The following PISD variants were observed in gnomAD, a reference collection of about 807,000 sequenced individuals.
PISD encodes the protein phosphatidylserine decarboxylase.
In PISD, 31 loss-of-function variants were observed where a neutral mutation model predicts 43.5. The ratio of observed to expected loss-of-function variants is 0.71; its 90% CI spans 0.54 to 0.96. The LOEUF (loss-of-function observed/expected upper bound fraction) is 0.96. PISD is among the 40% of genes least tolerant of loss of function. The probability of loss-of-function intolerance (pLI) is 0.00; values close to 1 mark genes in which losing one functional copy is unlikely to be tolerated. For missense variants in PISD, 523 were observed against 548.4 expected (o/e 0.95, Z 0.46); for synonymous variants, 259 against 228.7 (o/e 1.13, Z -1.20).
intron 3 of PISD, chr22:31,629,125 C>G (rs749701278): frequency 1.1e-5 from 11 of 985,478 alleles, no homozygotes; most frequent in Admixed American, 6.1e-5. Flanking sequence ...AAGACCACAA[C>G]ACCTGCCCCC....
Position 31,621,006 on chromosome 22 carries a change from G to A in PISD, c.834C>T (p.Arg278=). 6.2e-7 allele frequency: 1 copy of A among 1,612,756 alleles called. No homozygotes were observed. The highest frequency in any genetic ancestry group is 8.5e-7 in the Non-Finnish European group (1 of 1,179,454). ...TGGCCCCGGGCTGACCTGGGAAGTGGCGCCGGTGGGACACAGTCCAGTCGG... is the reference window on the plus strand; with the variant it reads ...TGGCCCCGGGCTGACCTGGGAAGTGACGCCGGTGGGACACAGTCCAGTCGG... ...SPTDWTVSHR[R]HFPGSLMSVN... is the part of the protein sequence containing the mutation. The change falls in exon 6 of 8, where the codon CGC becomes CGT. Residue 278 remains arginine, a synonymous_variant. Coordinates refer to ENST00000439502, the MANE Select transcript of PISD (RefSeq NM_001326411.2).
At chr22:31,628,885 G>T in intron 3 of PISD, 1 of 985,392 alleles carries the variant, frequency 1.0e-6, no homozygotes, top group Non-Finnish European at 1.2e-6. Flanking sequence ...TCACACTCCG[G>T]TGGGGGCAGG....
chr22:31,621,614 C>A, intron 4 of PISD, 35 bp downstream of exon 4: 1 of 1,600,110 alleles, frequency 6.2e-7, no homozygotes, highest in African/African-American at 1.3e-5. Flanking sequence ...AGGAAAAAGT[C>A]CTGTTTCCTG....
At chr22:31,659,435 T>C (rs2147824205) in intron 1 of PISD, among the ~76,000 whole-genome samples, 1 of 152,226 alleles carries the variant, frequency 6.6e-6, no homozygotes, top group African/African-American at 2.4e-5. Context: ...AGGGATGCCA[T>C]AAATATTTCT....
At chr22:31,660,430 A>C (rs566012787) in intron 1 of PISD, among the ~76,000 whole-genome samples, 1 of 152,274 alleles carries the variant, frequency 6.6e-6, no homozygotes, top group East Asian at 1.9e-4. Flanking sequence ...AAGTGGGTGG[A>C]TCACTTGAGC....
chr22:31,637,204 T>TATATATATATATACACAC (rs1267117734), intron 3 of PISD, among the ~76,000 whole-genome samples: 2 of 95,836 alleles, frequency 2.1e-5, no homozygotes, highest in African/African-American at 8.7e-5. Context: ...TATATATATA[T>TATATATATATATACACAC]ATAGAAAAAT....
rs940630347 is a variant in PISD at position 31,633,818 on chromosome 22, A to G, written c.322-11933T>C. On this transcript the variant is annotated intron_variant, in intron 3 of 7. Transcript: ENST00000439502. ...CCTTCCAACCAGACCTCCACCACAC[A>G]TATTTTCAGTGGGGAAATGCCTCTG... is the stretch of plus-strand genomic sequence containing the variant. Among the ~76,000 whole-genome samples, 8 of 152,340 alleles carry G rather than the reference A, an allele frequency of 5.3e-5. No homozygotes were observed. In the East Asian group the frequency reaches 5.8e-4, roughly 11 times the overall value.
chr22:31,639,967 T>C (rs1028821905), intron 3 of PISD, among the ~76,000 whole-genome samples: 1 of 152,172 alleles, frequency 6.6e-6, no homozygotes, highest in Non-Finnish European at 1.5e-5. Context: ...CAGCAGTCCC[T>C]GAGCTCCTGC....
At chr22:31,654,883 C>A (rs554721354) in intron 1 of PISD, among the ~76,000 whole-genome samples, 2 of 152,112 alleles carry the variant, frequency 1.3e-5, no homozygotes, top group African/African-American at 4.8e-5. Flanking sequence ...TGAGACCAGC[C>A]TGGGCAACAC....
intron 3 of PISD, chr22:31,625,946 G>C (rs2072886441): frequency 1.3e-6 from 2 of 1,492,426 alleles, no homozygotes; most frequent in African/African-American, 1.4e-5. Flanking sequence ...CTGCGAGGCT[G>C]GTTGGTGGCG....
intron 3 of PISD, among the ~76,000 whole-genome samples, chr22:31,645,344 G>C (rs1320203926): frequency 1.3e-5 from 2 of 151,664 alleles, no homozygotes; most frequent in Non-Finnish European, 1.5e-5. Flanking sequence ...GGTCAGGGAT[G>C]CAGTGAGCCG....
rs1214973570 is a variant in PISD at position 31,640,880 on chromosome 22, G to GT, written c.321+7220dup. Among the ~76,000 whole-genome samples the GT allele has an allele frequency of 9.8e-4, 24 of 24,600 alleles. 2 individuals are homozygous for GT. The highest frequency in any genetic ancestry group is 2.6e-3 in the South Asian group (1 of 378). The allele number at this position is 24,600 out of a possible 152,430, so 16.1% of individuals were successfully genotyped here. A position where few individuals can be genotyped will look rare whatever the true frequency, so the allele number is the denominator to read the frequency against. On this transcript the variant is annotated intron_variant, in intron 3 of 7. Transcript: ENST00000439502. ...ACAGGCATGAGCCACCACACCCGGT[G>GT]TTTTTTTTTTTTTTTTTTTTTTTTG...
At chr22:31,625,470 C>A in intron 3 of PISD, 1 of 541,870 alleles carries the variant, frequency 1.8e-6, no homozygotes, top group East Asian at 3.2e-5. Flanking sequence ...GTCTGGGCTG[C>A]GAGCAGGGGG....
upstream of PISD, chr22:31,662,235 C>CG: frequency 6.3e-7 from 1 of 1,598,568 alleles, no homozygotes; most frequent in African/African-American, 1.3e-5. Context: ...CAGCGTGCCA[C>CG]GCCCCCTTCA....
rs758491348 is a variant in PISD, at chr22:31,662,178, C to A, written c.31G>T (p.Gly11Ter). The change falls in exon 1 of 8, where the codon GGA (glycine) becomes TGA (stop). Residue 11 changes from glycine (G) to a stop codon, truncating the protein, a stop_gained. Coordinates refer to ENST00000439502, the MANE Select transcript of PISD (RefSeq NM_001326411.2). LOFTEE classifies it high-confidence loss of function. ...CACGGCGCGACCCCGTGCAGTAATCCCAGACATCGGTGCCCCACGGACGTC... is the reference window on the plus strand; with the variant it reads ...CACGGCGCGACCCCGTGCAGTAATCACAGACATCGGTGCCCCACGGACGTC... MATSVGHRCL[G>*]LLHGVAPWRS... The A allele has an allele frequency of 1.9e-6, 3 of 1,606,300 alleles. No individual in the cohort carries two copies. The highest frequency in any genetic ancestry group is 1.7e-5 in the Admixed American group (1 of 60,010).
At chr22:31,647,141 A>G (rs1195625527) in intron 3 of PISD, among the ~76,000 whole-genome samples, 1 of 152,222 alleles carries the variant, frequency 6.6e-6, no homozygotes, top group Non-Finnish European at 1.5e-5. Flanking sequence ...TGTAGCATGT[A>G]ATGCCAATGG....
intron 3 of PISD, among the ~76,000 whole-genome samples, chr22:31,646,959 G>A (rs1312117464): frequency 6.6e-6 from 1 of 152,066 alleles, no homozygotes; most frequent in Non-Finnish European, 1.5e-5. Flanking sequence ...CAGGGCAAGA[G>A]CAGACAGGTA....
At chr22:31,645,542 T>TA (rs1384453433) in intron 3 of PISD, among the ~76,000 whole-genome samples, 2 of 149,268 alleles carry the variant, frequency 1.3e-5, no homozygotes. Context: ...CTGTCTCTTT[T>TA]TTTTTTTTTA....
chr22:31,645,020 G>T (rs1438182047), intron 3 of PISD, among the ~76,000 whole-genome samples: 1 of 152,098 alleles, frequency 6.6e-6, no homozygotes, highest in Admixed American at 6.5e-5. Context: ...TACTTGGGAG[G>T]CTGAGGCAGG....
Sources: gnomAD v4.1 joint callset for allele counts (sites outside exome capture counted in the v4.1 genomes callset) on GRCh38, gnomAD v4.1.1 for gene constraint, MANE v1.5 for transcripts, NCBI Gene and HGNC (gene_info 2026-07-23, HGNC 2026-07-21) for gene names.